SDHAF4: variants seen among roughly 807,000 people sequenced by gnomAD.
SDHAF4 encodes the protein succinate dehydrogenase complex assembly factor 4.
Under a neutral mutation model 14.3 loss-of-function variants are expected in SDHAF4, and 14 were observed. The observed-to-expected ratio is 0.98, with a 90% CI of 0.65 to 1.53. The LOEUF is 1.53. Among genes scored for constraint, SDHAF4 ranks in the 40% most tolerant of loss-of-function variants. The probability of loss-of-function intolerance (pLI) is 0.00; values close to 1 mark genes in which losing one functional copy is unlikely to be tolerated. For synonymous variants in SDHAF4, 63 were observed against 47.3 expected, an observed-to-expected ratio of 1.33 and a Z score of -1.36; for missense variants, 141 against 129.3, an observed-to-expected ratio of 1.09 and a Z score of -0.44.
the SDHAF4 span, among the ~76,000 whole-genome samples, chr6:70,595,062 C>G: frequency 6.6e-6 from 1 of 152,094 alleles, no homozygotes; most frequent in Admixed American, 6.6e-5. Context: ...TTTGATGACT[C>G]AAAACCTCGT....
At chr6:70,589,935 A>C (rs1765243734), downstream of SDHAF4, among the ~76,000 whole-genome samples, 2 of 152,218 alleles carry the variant, frequency 1.3e-5, no homozygotes, top group Admixed American at 6.6e-5. Flanking sequence ...AAATAGGGAA[A>C]GTACTGAGAT....
At position 70,566,960 on chromosome 6, in the gene SDHAF4, C is replaced by T. The variant is rs747850967; in HGVS notation, c.20C>T (p.Pro7Leu). 7 of 1,591,782 alleles carry T rather than the reference C, an allele frequency of 4.4e-6. No homozygotes were observed. In the South Asian group the frequency reaches 5.7e-5, roughly 13 times the overall value. The change falls in exon 1 of 3, where the codon CCC becomes CTC. Residue 7 changes from proline (P) to leucine (L), a missense_variant. Transcript: ENST00000370474. Reference protein sequence around the residue: MTPSRLPWLLSWVSATA... With the variant: MTPSRLLWLLSWVSATA... The stretch of plus-strand genomic sequence containing the variant: ...GGCGCCATGACCCCATCGAGGCTTC[C>T]CTGGTTGCTTAGCTGGGTCTCGGCC...
intron 1 of SDHAF4, among the ~76,000 whole-genome samples, chr6:70,574,814 G>A (rs971549680): frequency 1.3e-5 from 2 of 152,210 alleles, no homozygotes; most frequent in African/African-American, 4.8e-5. Flanking sequence ...TGTAGTCCCA[G>A]CTGCTGAGGA....
At chr6:70,585,652 C>A (rs924322126) in intron 2 of SDHAF4, among the ~76,000 whole-genome samples, 7 of 152,158 alleles carry the variant, frequency 4.6e-5, no homozygotes, top group African/African-American at 1.7e-4. Context: ...GTTAGAGAGG[C>A]CTTCAAGGGA....
chr6:70,579,582 C>T lies in SDHAF4; in HGVS notation c.217+16C>T. The T allele has an allele frequency of 6.4e-7, 1 of 1,558,354 alleles. No individual in the cohort carries two copies. The highest frequency in any genetic ancestry group is 8.7e-7 in the Non-Finnish European group (1 of 1,152,726). ...CCACTGGAAAGTAAGTATAATAAAG[C>T]ACCTCTCAGTTTTTGAAGTATCAAG... On this transcript the variant is annotated intron_variant, in intron 2 of 2. Transcript: ENST00000370474.
At chr6:70,587,873 C>T (rs1248639296) in intron 2 of SDHAF4, among the ~76,000 whole-genome samples, 1 of 152,160 alleles carries the variant, frequency 6.6e-6, no homozygotes, top group Admixed American at 6.5e-5. Flanking sequence ...ACCAGCCAAC[C>T]AGTTGCTGAA....
At chr6:70,589,964 T>A (rs1261241137), downstream of SDHAF4, among the ~76,000 whole-genome samples, 1 of 152,056 alleles carries the variant, frequency 6.6e-6, no homozygotes, top group Non-Finnish European at 1.5e-5. Context: ...AAGTAAAAAG[T>A]ACATATTCGA....
intron 1 of SDHAF4, among the ~76,000 whole-genome samples, chr6:70,573,117 A>G (rs1028028680): frequency 6.6e-6 from 1 of 152,084 alleles, no homozygotes; most frequent in Admixed American, 6.6e-5. Context: ...AGCTAAGACT[A>G]TAGGCACCAC....
intron 1 of SDHAF4, among the ~76,000 whole-genome samples, chr6:70,569,941 C>A (rs1414577966): frequency 6.6e-6 from 1 of 152,024 alleles, no homozygotes; most frequent in East Asian, 1.9e-4. Flanking sequence ...GGCAGGAAAC[C>A]AGTTTTCATT....
downstream of SDHAF4, among the ~76,000 whole-genome samples, chr6:70,591,729 A>G (rs909615597): frequency 6.6e-6 from 1 of 152,262 alleles, no homozygotes; most frequent in African/African-American, 2.4e-5. Context: ...GATTATTTAC[A>G]TGAGTGAACT....
intron 1 of SDHAF4, among the ~76,000 whole-genome samples, chr6:70,573,736 C>T (rs1027711633): frequency 8.8e-5 from 13 of 148,350 alleles, no homozygotes; most frequent in South Asian, 2.1e-4. Flanking sequence ...AGTGTAGTGG[C>T]GTGATCTCAC....
chr6:70,569,626 A>G (rs1802155465), intron 1 of SDHAF4, among the ~76,000 whole-genome samples: 1 of 152,250 alleles, frequency 6.6e-6, no homozygotes, highest in Non-Finnish European at 1.5e-5. Flanking sequence ...TAAGTGTCAA[A>G]TACCTCAATT....
At chr6:70,582,879 A>G (rs534908486) in intron 2 of SDHAF4, among the ~76,000 whole-genome samples, 51 of 152,266 alleles carry the variant, frequency 3.3e-4, no homozygotes, top group African/African-American at 1.2e-3. Flanking sequence ...CTTTATTCTA[A>G]GAAAACTGTG....
chr6:70,583,412 C>T (rs749848867), intron 2 of SDHAF4, among the ~76,000 whole-genome samples: 1 of 151,984 alleles, frequency 6.6e-6, no homozygotes, highest in Non-Finnish European at 1.5e-5. Flanking sequence ...CATGCCTGGC[C>T]GGAAAAGTAA....
In SDHAF4 at chr6:70,579,539, T is replaced by C; in HGVS notation, c.190T>C (p.Ser64Pro). Reference sequence around the variant, plus strand: ...AGGTCGTTTTGATGCACCAGAGGATTCCCATTTAGAGAAAGAACCACTGGA... The same window carrying C: ...AGGTCGTTTTGATGCACCAGAGGATCCCCATTTAGAGAAAGAACCACTGGA... ...PEGRFDAPEDSHLEKEPLEKF... is the reference protein window; with the variant it reads ...PEGRFDAPEDPHLEKEPLEKF... The change falls in exon 2 of 3, where the codon TCC (serine) becomes CCC (proline). Residue 64 changes from serine to proline, a missense_variant. By Grantham distance (74) the Ser-to-Pro change is moderately conservative. Transcript: ENST00000370474. 1 of 1,608,892 alleles carries C rather than the reference T, an allele frequency of 6.2e-7. No individual in the cohort carries two copies. The highest frequency in any genetic ancestry group is 8.5e-7 in the Non-Finnish European group (1 of 1,177,320).
At chr6:70,575,616 C>G (rs1802244465) in intron 1 of SDHAF4, among the ~76,000 whole-genome samples, 1 of 151,662 alleles carries the variant, frequency 6.6e-6, no homozygotes, top group Admixed American at 6.6e-5. Context: ...TTTGTTTTAC[C>G]TTTTTAGGTG....
chr6:70,594,299 T>C (rs9455184), downstream of SDHAF4, among the ~76,000 whole-genome samples: 2,435 of 152,336 alleles, frequency 0.016, 61 homozygotes, highest in African/African-American at 0.056. Context: ...AGTTTGAATG[T>C]TTGTCTCCTC....
intron 1 of SDHAF4, among the ~76,000 whole-genome samples, chr6:70,574,349 A>G (rs937626410): frequency 1.1e-4 from 17 of 151,462 alleles, no homozygotes; most frequent in African/African-American, 3.9e-4. Context: ...AAAGATGCTT[A>G]GGGATTTTTG....
chr6:70,598,158 C>T, the SDHAF4 span, among the ~76,000 whole-genome samples: 1 of 151,942 alleles, frequency 6.6e-6, no homozygotes, highest in Admixed American at 6.6e-5. Context: ...TGGGTGGATC[C>T]CTTGAAGTCA....
Sources: allele counts gnomAD v4.1 joint callset (sites outside exome capture counted in the v4.1 genomes callset), GRCh38; gene constraint gnomAD v4.1.1; transcripts MANE v1.5; gene names NCBI Gene and HGNC (gene_info 2026-07-23, HGNC 2026-07-21).